Variants in KLHL29 observed in about 807,000 individuals in gnomAD.
The protein encoded by KLHL29 is kelch-like protein 29.
Under a neutral mutation model 80.4 loss-of-function variants are expected in KLHL29, and 21 were observed. That is an observed-to-expected ratio of 0.26 (90% CI 0.19 to 0.38). KLHL29 has a LOEUF of 0.38. Ranked by LOEUF, KLHL29 falls within the 10% of genes least tolerant of loss-of-function variation. The pLI, the probability that KLHL29 is intolerant of heterozygous loss-of-function variation, is 1.00. For synonymous variants in KLHL29, 511 were observed against 526.8 expected, an observed-to-expected ratio of 0.97 and a Z score of 0.41; for missense variants, 867 against 1,223.9, an observed-to-expected ratio of 0.71 and a Z score of 4.35.
intron 2 of KLHL29, among the ~76,000 whole-genome samples, chr2:23,545,796 G>C (rs1666965923): frequency 1.3e-5 from 2 of 152,166 alleles, no homozygotes; most frequent in African/African-American, 4.8e-5. Context: ...TCTAGCCCCT[G>C]AAGGCCATCC....
At chr2:23,640,863 C>G (rs944014373) in intron 4 of KLHL29, among the ~76,000 whole-genome samples, 4 of 152,200 alleles carry the variant, frequency 2.6e-5, no homozygotes, top group Non-Finnish European at 5.9e-5. Context: ...TGCTCCTCAC[C>G]ACCAGCTGGT....
At chr2:23,511,875 G>A (rs191463951) in intron 2 of KLHL29, among the ~76,000 whole-genome samples, 1 of 152,226 alleles carries the variant, frequency 6.6e-6, no homozygotes, top group Admixed American at 6.5e-5. Flanking sequence ...ACGTGCTGGT[G>A]GCGAGTTCTG....
rs1553336407 is a variant in KLHL29, at chr2:23,536,918, A to ACTCTCT, written c.-45-25228_-45-25223dup. On this transcript the variant is annotated intron_variant, in intron 2 of 13. Transcript: ENST00000486442. ...CACACACACACACACACACACACAC[A>ACTCTCT]CTCTCTCTCTCCCTCTCTCGCTCTC... is the stretch of plus-strand genomic sequence containing the variant. Among the ~76,000 whole-genome samples, 569 of 140,700 alleles carry ACTCTCT rather than the reference A, an allele frequency of 4.0e-3. 4 individuals carry two copies. The highest frequency in any genetic ancestry group is 0.012 in the South Asian group (50 of 4,290). The allele number at this position is 140,700 out of a possible 152,430, so 92.3% of individuals were successfully genotyped here.
rs540966430 is a variant in KLHL29 at position 23,488,290 on chromosome 2, A to G, written c.-46+12623A>G. 7.2e-5 allele frequency among the ~76,000 whole-genome samples: 11 copies of G among 152,358 alleles called. No homozygotes were observed. The South Asian group carries it at 1.2e-3, about 17-fold the overall frequency. The stretch of plus-strand genomic sequence containing the variant: ...GCTATTCAGCATGGGGCTGAGGAGT[A>G]GACATGGAAGGCAGAGAGGGGGGCC... On this transcript the variant is annotated intron_variant, in intron 2 of 13. Transcript: ENST00000486442.
Position 23,552,761 on chromosome 2 carries a change from C to CT in KLHL29, c.-45-9374dup, listed in dbSNP as rs60558023. Among the ~76,000 whole-genome samples the CT allele has an allele frequency of 4.4e-3, 421 of 95,546 alleles. 33 individuals are homozygous for CT. The South Asian group carries it at 0.049, about 11-fold the overall frequency. The allele number at this position is 95,546 out of a possible 152,430, so 62.7% of individuals were successfully genotyped here. A position where few individuals can be genotyped will look rare whatever the true frequency, so the allele number is the denominator to read the frequency against. ...CACGGCTATAGCTCTGGTTTCTTTT[C>CT]TTTTTTTTTTTTTTTTTGAGATGGC... On this transcript the variant is annotated intron_variant, in intron 2 of 13. Coordinates refer to ENST00000486442, the MANE Select transcript of KLHL29 (RefSeq NM_052920.2).
chr2:23,458,596 A>G (rs1254035578), intron 1 of KLHL29, among the ~76,000 whole-genome samples: 2 of 152,246 alleles, frequency 1.3e-5, no homozygotes, highest in African/African-American at 2.4e-5. Context: ...ACGTGTTCTC[A>G]TAGCTCTACA....
intron 5 of KLHL29, among the ~76,000 whole-genome samples, chr2:23,666,276 C>T (rs1016587134): frequency 1.3e-5 from 2 of 152,170 alleles, no homozygotes; most frequent in East Asian, 1.9e-4. Context: ...TTTCCAAGGC[C>T]GCCTAAGACA....
intron 1 of KLHL29, among the ~76,000 whole-genome samples, chr2:23,473,997 C>T (rs975108400): frequency 2.6e-5 from 4 of 152,176 alleles, no homozygotes; most frequent in African/African-American, 7.2e-5. Context: ...AAGACTGGCC[C>T]TGCCCACCCT....
At chr2:23,466,348 TTC>T (rs1310436027) in intron 1 of KLHL29, among the ~76,000 whole-genome samples, 1 of 152,260 alleles carries the variant, frequency 6.6e-6, no homozygotes, top group Non-Finnish European at 1.5e-5. Flanking sequence ...ATCTATGTGT[TTC>T]TTTTTATCAA....
At chr2:23,479,036 C>T (rs890513448) in intron 2 of KLHL29, among the ~76,000 whole-genome samples, 4 of 151,824 alleles carry the variant, frequency 2.6e-5, no homozygotes, top group African/African-American at 9.7e-5. Context: ...CCCTTGTCCA[C>T]TCCCCTCTTG....
At chr2:23,698,868 TCGCATTTGGTGC>T (rs1428157457) in intron 11 of KLHL29, among the ~76,000 whole-genome samples, 2 of 152,154 alleles carry the variant, frequency 1.3e-5, no homozygotes, top group Non-Finnish European at 2.9e-5. Flanking sequence ...CTCAGGAAAT[TCGCATTTGGTGC>T]GATGTGCCAT....
chr2:23,589,607 C>T (rs1668206576), intron 3 of KLHL29, among the ~76,000 whole-genome samples: 1 of 152,244 alleles, frequency 6.6e-6, no homozygotes. Flanking sequence ...AGAAGATCTC[C>T]TGCCACCCCT....
At chr2:23,649,730 A>G (rs1572465934) in intron 5 of KLHL29, among the ~76,000 whole-genome samples, 1 of 152,354 alleles carries the variant, frequency 6.6e-6, no homozygotes, top group South Asian at 2.1e-4. Context: ...GATGGGGATG[A>G]GAGGGCTGTT....
chr2:23,703,105 G>A, intron 11 of KLHL29, 81 bp from the exon 12 acceptor site: 1 of 1,026,320 alleles, frequency 9.7e-7, no homozygotes, highest in Non-Finnish European at 1.3e-6. Context: ...GGAGCAGATG[G>A]CAGTTTGCTG....
chr2:23,599,117 T>C (rs1260171721), intron 3 of KLHL29, among the ~76,000 whole-genome samples: 2 of 152,250 alleles, frequency 1.3e-5, no homozygotes, highest in African/African-American at 4.8e-5. Context: ...GGTAGGTTTC[T>C]CAACCTCAGA....
rs996573063 is a variant in KLHL29, at chr2:23,695,567, C to T, written c.1543-56C>T. 40 of 1,244,598 alleles carry T rather than the reference C, an allele frequency of 3.2e-5. No individual in the cohort carries two copies. Among genetic ancestry groups the T allele is most frequent in the Admixed American group, 9.4e-5 (4 of 42,598 alleles). 77.1% of individuals were successfully genotyped at this position (1,244,598 alleles called of 1,614,324 possible). ...CAGCCCCACACCATTTCTTTCCGTC[C>T]GGGAGGTGGCTCTCTCTTGCTAGTC... On this transcript the variant is annotated intron_variant, in intron 8 of 13. Coordinates refer to ENST00000486442, the MANE Select transcript of KLHL29 (RefSeq NM_052920.2). This position sits in a 1 kb window ranked among gnomAD's most constrained non-coding sequence, Gnocchi z 7.6.
chr2:23,632,744 C>G (rs1669501992), intron 3 of KLHL29, among the ~76,000 whole-genome samples: 1 of 152,262 alleles, frequency 6.6e-6, no homozygotes, highest in South Asian at 2.1e-4. Context: ...CATTCACCAC[C>G]AGTGCTGGGC....
rs1670641997 is a variant in KLHL29, at chr2:23,669,311, G to T, written c.941-15088G>T. ...CTCAGCAGAGTGCTGAGCCAAGTGT[G>T]ATGGGACCACAGAGTGGCAGCTGAT... On this transcript the variant is annotated intron_variant, in intron 5 of 13. Transcript: ENST00000486442. The surrounding 1 kb of genome is among the most constrained non-coding windows in gnomAD (Gnocchi z 4.3). The T allele has an allele frequency of 6.6e-6, 1 of 152,226 alleles. No individual in the cohort carries two copies. Among genetic ancestry groups the T allele is most frequent in the Non-Finnish European group, 1.5e-5 (1 of 68,046 alleles). 9.4% of individuals were successfully genotyped at this position (152,226 alleles called of 1,614,324 possible).
intron 1 of KLHL29, among the ~76,000 whole-genome samples, chr2:23,440,741 C>G (rs1355506683): frequency 1.3e-5 from 2 of 152,068 alleles, no homozygotes; most frequent in Admixed American, 1.3e-4. Context: ...CTCATCATCA[C>G]TGGCCATCAG....
Sources: gnomAD v4.1 joint callset for allele counts (sites outside exome capture counted in the v4.1 genomes callset) on GRCh38, gnomAD v4.1.1 for gene constraint, Gnocchi (gnomAD v3.1) non-coding constraint, MANE v1.5 for transcripts, NCBI Gene and HGNC (gene_info 2026-07-23, HGNC 2026-07-21) for gene names.